The following NKAIN2 variants were observed in gnomAD, a reference collection of about 807,000 sequenced individuals.
NKAIN2 encodes the protein sodium/potassium-transporting ATPase subunit beta-1-interacting protein 2.
In NKAIN2, 14 loss-of-function variants were observed where a neutral mutation model predicts 32.6. The ratio of observed to expected loss-of-function variants is 0.43; its 90% confidence interval spans 0.28 to 0.67. NKAIN2 has a LOEUF of 0.67. Among genes scored for constraint, NKAIN2 ranks in the 30% least tolerant of loss-of-function variants. NKAIN2 has a pLI of 0.17. For synonymous variants in NKAIN2, 80 were observed against 87.2 expected, an observed-to-expected ratio of 0.92 and a Z score of 0.46; for missense variants, 198 against 258.3, an observed-to-expected ratio of 0.77 and a Z score of 1.60.
At chr6:124,753,924 C>T (rs930274636) in intron 4 of NKAIN2, among the ~76,000 whole-genome samples, 1 of 151,924 alleles carries the variant, frequency 6.6e-6, no homozygotes, top group Non-Finnish European at 1.5e-5. Context: ...TCAAACTTTA[C>T]GTGGGGAAAT....
At chr6:123,859,831 C>T (rs1384600761) in intron 1 of NKAIN2, among the ~76,000 whole-genome samples, 2 of 152,126 alleles carry the variant, frequency 1.3e-5, no homozygotes, top group Non-Finnish European at 2.9e-5. Flanking sequence ...GCTGGGATTA[C>T]AGGCACATGC....
chr6:124,494,715 G>T (rs1421189300), intron 3 of NKAIN2, among the ~76,000 whole-genome samples: 2 of 152,076 alleles, frequency 1.3e-5, no homozygotes, highest in Non-Finnish European at 2.9e-5. Context: ...TGCAAACAGT[G>T]TTAGTACCTA....
At chr6:123,852,358 T>C (rs981461487) in intron 1 of NKAIN2, among the ~76,000 whole-genome samples, 12 of 152,326 alleles carry the variant, frequency 7.9e-5, no homozygotes, top group African/African-American at 2.9e-4. Flanking sequence ...CTATTGACTA[T>C]TGCACCTCTG....
At chr6:124,392,782 A>G (rs947433533) in intron 3 of NKAIN2, among the ~76,000 whole-genome samples, 1 of 152,218 alleles carries the variant, frequency 6.6e-6, no homozygotes, top group African/African-American at 2.4e-5. Flanking sequence ...TATAAATTTT[A>G]TAAATAATTC....
chr6:124,630,581 G>C (rs1280245119), intron 3 of NKAIN2, among the ~76,000 whole-genome samples: 1 of 152,064 alleles, frequency 6.6e-6, no homozygotes, highest in South Asian at 2.1e-4. Context: ...CTGTAAAATA[G>C]AGCAGAGAAA....
At chr6:123,948,597 ATTTTTTTTTTTTTTT>A (rs71021472) in intron 1 of NKAIN2, among the ~76,000 whole-genome samples, 16 of 49,318 alleles carry the variant, frequency 3.2e-4, no homozygotes, top group Middle Eastern at 0.02. Context: ...CTTAAATGGG[ATTTTTTTTTTTTTTT>A]TTTTTTTTTT....
chr6:124,129,232 A>G (rs1786334357), intron 1 of NKAIN2, among the ~76,000 whole-genome samples: 1 of 152,202 alleles, frequency 6.6e-6, no homozygotes, highest in Admixed American at 6.5e-5. Context: ...TGAAAATCCA[A>G]CTAAAAATAA....
chr6:124,267,545 C>T (rs996591072), intron 1 of NKAIN2, among the ~76,000 whole-genome samples: 15 of 147,310 alleles, frequency 1.0e-4, no homozygotes, highest in Non-Finnish European at 1.3e-4. Flanking sequence ...TTATGGTCTA[C>T]AGAATCACTT....
intron 3 of NKAIN2, among the ~76,000 whole-genome samples, chr6:124,398,062 G>T (rs1029068450): frequency 1.3e-5 from 2 of 151,444 alleles, no homozygotes; most frequent in Non-Finnish European, 2.9e-5. Context: ...GACCATCCTC[G>T]CTAACACGGT....
chr6:124,502,053 G>A (rs948149880), intron 3 of NKAIN2, among the ~76,000 whole-genome samples: 5 of 152,054 alleles, frequency 3.3e-5, no homozygotes, highest in East Asian at 1.9e-4. Context: ...GGAGTGAGCC[G>A]AGATAGCACC....
chr6:124,594,079 C>G (rs967411693), intron 3 of NKAIN2, among the ~76,000 whole-genome samples: 2 of 152,094 alleles, frequency 1.3e-5, no homozygotes, highest in Non-Finnish European at 2.9e-5. Flanking sequence ...AGGTGACTAA[C>G]GATCATTAGT....
rs549192121 is a variant in NKAIN2 at position 124,548,804 on chromosome 6, C to T, written c.274-109382C>T. Among the ~76,000 whole-genome samples the T allele has an allele frequency of 7.9e-5, 12 of 152,026 alleles. No individual in the cohort carries two copies. In the East Asian group the frequency reaches 2.3e-3, roughly 29 times the overall value. On this transcript the variant is annotated intron_variant, in intron 3 of 6. Coordinates refer to ENST00000368417, the MANE Select transcript of NKAIN2 (RefSeq NM_001040214.3). ...AGGAATGTGTGGTGATTAAGGAAGC[C>T]GAGAGAAGATAATGTTTCATGGAAG...
chr6:124,351,661 A>G (rs926466460), intron 2 of NKAIN2, among the ~76,000 whole-genome samples: 3 of 151,998 alleles, frequency 2.0e-5, no homozygotes, highest in African/African-American at 7.2e-5. Flanking sequence ...TTGCGCTGTC[A>G]CCCAGGCTGG....
rs1489979458 is a variant in NKAIN2, at chr6:124,346,201, G to GT, written c.193-9060dup. On this transcript the variant is annotated intron_variant, in intron 2 of 6. Coordinates refer to ENST00000368417, the MANE Select transcript of NKAIN2 (RefSeq NM_001040214.3). ...TGATTGCACTGTGGTTTGAGAGACA[G>GT]TTTTTTATAATTTCTGTTCTTTTAC... is the stretch of plus-strand genomic sequence containing the variant. Among the ~76,000 whole-genome samples, 3 of 152,256 alleles carry GT rather than the reference G, an allele frequency of 2.0e-5. No individual in the cohort carries two copies. In the East Asian group the frequency reaches 5.8e-4, roughly 29 times the overall value.
intron 2 of NKAIN2, among the ~76,000 whole-genome samples, chr6:124,303,917 G>C (rs1292602829): frequency 6.6e-6 from 1 of 152,168 alleles, no homozygotes; most frequent in Admixed American, 6.5e-5. Flanking sequence ...GATTGCAAGG[G>C]AAAAGTATCA....
chr6:124,077,943 C>T (rs1034807381), intron 1 of NKAIN2, among the ~76,000 whole-genome samples: 4 of 152,032 alleles, frequency 2.6e-5, no homozygotes, highest in African/African-American at 9.7e-5. Flanking sequence ...TTATGAAAAA[C>T]TAAAAGTTTA....
chr6:123,914,235 G>T (rs901579373), intron 1 of NKAIN2, among the ~76,000 whole-genome samples: 2 of 151,886 alleles, frequency 1.3e-5, no homozygotes, highest in African/African-American at 2.4e-5. Flanking sequence ...GAGACAGACA[G>T]ACAGACAGAG....
intron 4 of NKAIN2, among the ~76,000 whole-genome samples, chr6:124,681,337 A>T (rs1773610259): frequency 1.3e-5 from 2 of 152,156 alleles, no homozygotes; most frequent in Admixed American, 6.5e-5. Context: ...CACTAAGAAT[A>T]TCATCTTCTT....
chr6:123,947,379 C>A (rs545431537), intron 1 of NKAIN2, among the ~76,000 whole-genome samples: 12 of 152,256 alleles, frequency 7.9e-5, no homozygotes, highest in Non-Finnish European at 1.2e-4. Flanking sequence ...AATGCCATTT[C>A]AAATATTATA....
Sources: gnomAD v4.1 joint callset for allele counts (sites outside exome capture counted in the v4.1 genomes callset) on GRCh38, gnomAD v4.1.1 for gene constraint, MANE v1.5 for transcripts, NCBI Gene and HGNC (gene_info 2026-07-23, HGNC 2026-07-21) for gene names.